LRRTM4: variants seen among roughly 807,000 people sequenced by gnomAD.
The protein encoded by LRRTM4 is leucine-rich repeat transmembrane neuronal protein 4.
LRRTM4 carries 25 observed loss-of-function variants against 47.6 expected under a neutral mutation model. The ratio of observed to expected loss-of-function variants is 0.53; its 90% CI spans 0.38 to 0.73. The LOEUF is 0.73. Among genes scored for constraint, LRRTM4 ranks in the 30% least tolerant of loss-of-function variants. LRRTM4 has a pLI of 0.00. For synonymous variants in LRRTM4, 311 were observed against 269.5 expected, an observed-to-expected ratio of 1.15 and a Z score of -1.51; for missense variants, 638 against 713.4, an observed-to-expected ratio of 0.89 and a Z score of 1.20.
At chr2:76,969,070 T>C (rs962840989) in intron 3 of LRRTM4, among the ~76,000 whole-genome samples, 1 of 151,932 alleles carries the variant, frequency 6.6e-6, no homozygotes, top group Non-Finnish European at 1.5e-5. Flanking sequence ...TATTTCACTT[T>C]TTAAAGTTGA....
chr2:77,162,119 C>A (rs1672746098), intron 3 of LRRTM4, among the ~76,000 whole-genome samples: 2 of 152,314 alleles, frequency 1.3e-5, no homozygotes, highest in South Asian at 4.1e-4. Context: ...GACACTACCA[C>A]CCTAATACTG....
At chr2:77,495,528 A>G (rs991670672) in intron 3 of LRRTM4, among the ~76,000 whole-genome samples, 1 of 152,008 alleles carries the variant, frequency 6.6e-6, no homozygotes, top group Non-Finnish European at 1.5e-5. Context: ...ATGGTTTCAC[A>G]TTTGCATTTA....
intron 3 of LRRTM4, among the ~76,000 whole-genome samples, chr2:77,083,280 G>A (rs1228813146): frequency 6.6e-6 from 1 of 152,138 alleles, no homozygotes; most frequent in Non-Finnish European, 1.5e-5. Flanking sequence ...AAGGATCTCA[G>A]TAAGTAAAAG....
chr2:77,427,883 TC>T (rs1318851706), intron 3 of LRRTM4, among the ~76,000 whole-genome samples: 2 of 152,168 alleles, frequency 1.3e-5, no homozygotes, highest in Non-Finnish European at 2.9e-5. Context: ...TTGCCAACTT[TC>T]CCATTTACCA....
chr2:76,780,096 C>G (rs1320661891), intron 3 of LRRTM4, among the ~76,000 whole-genome samples: 1 of 152,246 alleles, frequency 6.6e-6, no homozygotes, highest in Admixed American at 6.5e-5. Context: ...GGCCCCCACT[C>G]TCTTCTGGCT....
intron 3 of LRRTM4, among the ~76,000 whole-genome samples, chr2:77,304,456 C>A (rs1378680634): frequency 1.3e-5 from 2 of 152,022 alleles, no homozygotes. Context: ...GCAAGTGGTC[C>A]TCCATCTAGA....
intron 3 of LRRTM4, among the ~76,000 whole-genome samples, chr2:77,446,605 T>C (rs1418170625): frequency 6.6e-6 from 1 of 152,068 alleles, no homozygotes; most frequent in African/African-American, 2.4e-5. Context: ...AACTCATACC[T>C]TTTTTGCTTC....
At chr2:77,334,868 A>G (rs1005329979) in intron 3 of LRRTM4, among the ~76,000 whole-genome samples, 1 of 152,128 alleles carries the variant, frequency 6.6e-6, no homozygotes, top group African/African-American at 2.4e-5. Context: ...AGTTGCCCTC[A>G]TTTTCAAAAT....
intron 3 of LRRTM4, among the ~76,000 whole-genome samples, chr2:76,956,075 G>A (rs1464620393): frequency 1.3e-5 from 2 of 150,644 alleles, no homozygotes; most frequent in African/African-American, 4.9e-5. Flanking sequence ...CTGTCTAGAA[G>A]AGACTCATTT....
At chr2:77,521,458 C>T (rs913579533) in intron 2 of LRRTM4, among the ~76,000 whole-genome samples, 1 of 150,592 alleles carries the variant, frequency 6.6e-6, no homozygotes, top group East Asian at 2.0e-4. Context: ...TGTTTAAGTT[C>T]GTGTTGTGCA....
chr2:77,196,911 T>C (rs1389708238), intron 3 of LRRTM4, among the ~76,000 whole-genome samples: 1 of 152,112 alleles, frequency 6.6e-6, no homozygotes, highest in African/African-American at 2.4e-5. Context: ...TCTAGCACCA[T>C]GTTATGTTTT....
intron 3 of LRRTM4, among the ~76,000 whole-genome samples, chr2:77,093,518 CAT>C (rs1558576760): frequency 2.0e-5 from 3 of 151,786 alleles, no homozygotes; most frequent in African/African-American, 7.3e-5. Context: ...TCCCTCTCTA[CAT>C]TCCCACACCA....
chr2:77,308,619 G>A (rs1051913588), intron 3 of LRRTM4, among the ~76,000 whole-genome samples: 2 of 151,948 alleles, frequency 1.3e-5, no homozygotes, highest in African/African-American at 4.8e-5. Flanking sequence ...CTATGTAAGT[G>A]AAGAAATAAA....
chr2:77,359,622 A>T (rs1001400066), intron 3 of LRRTM4, among the ~76,000 whole-genome samples: 20 of 152,216 alleles, frequency 1.3e-4, no homozygotes, highest in African/African-American at 4.8e-4. Flanking sequence ...CCTTCTGCAA[A>T]CTAACAGCAA....
chr2:77,352,066 G>C (rs1505227), intron 3 of LRRTM4, among the ~76,000 whole-genome samples: 146,694 of 152,234 alleles, frequency 0.96, 70,702 homozygotes, highest in African/African-American at 0.97. Flanking sequence ...GTCATAATCC[G>C]TAGTCAATCA....
At chr2:77,245,532 A>AG (rs1265677173) in intron 3 of LRRTM4, among the ~76,000 whole-genome samples, 8 of 102,558 alleles carry the variant, frequency 7.8e-5, no homozygotes, top group Non-Finnish European at 1.7e-4. Flanking sequence ...AAAAAAAAAA[A>AG]AAAAAAGAAG....
chr2:77,015,766 A>C (rs1179310680), intron 3 of LRRTM4, among the ~76,000 whole-genome samples: 1 of 152,222 alleles, frequency 6.6e-6, no homozygotes, highest in Non-Finnish European at 1.5e-5. Context: ...TCAGAGAAAC[A>C]GAAATACTGA....
intron 3 of LRRTM4, among the ~76,000 whole-genome samples, chr2:77,064,825 T>A (rs1298736857): frequency 1.3e-5 from 2 of 152,148 alleles, no homozygotes; most frequent in Non-Finnish European, 2.9e-5. Context: ...CCGTGCTTTT[T>A]TCGTACCCTG....
chr2:77,251,502 C>T (rs1027288011), intron 3 of LRRTM4, among the ~76,000 whole-genome samples: 1 of 151,910 alleles, frequency 6.6e-6, no homozygotes, highest in African/African-American at 2.4e-5. Flanking sequence ...TATAGGACCT[C>T]AGAAGTTATA....
Sources: gnomAD v4.1 joint callset for allele counts (sites outside exome capture counted in the v4.1 genomes callset) on GRCh38, gnomAD v4.1.1 for gene constraint, MANE v1.5 for transcripts, NCBI Gene and HGNC (gene_info 2026-07-23, HGNC 2026-07-21) for gene names.